The following CES3 variants were observed in gnomAD, a reference collection of about 807,000 sequenced individuals.
CES3 encodes the protein carboxylesterase 3, also known as carboxylesterase 3 (brain).
In CES3, 49 loss-of-function variants were observed where a neutral mutation model predicts 57.6. The ratio of observed to expected loss-of-function variants is 0.85; its 90% CI spans 0.68 to 1.08. The LOEUF is 1.08. CES3 is among the 50% of genes least tolerant of loss of function. CES3 has a pLI of 0.00. For synonymous variants in CES3, 266 were observed against 281.6 expected (o/e 0.94, Z 0.55); for missense variants, 645 against 742.0 (o/e 0.87, Z 1.52).
Position 66,969,735 on chromosome 16 carries a change from C to T in CES3, c.1119C>T (p.Ile373=), listed in dbSNP as rs1963798309. 4 of 1,613,234 alleles carry T rather than the reference C, an allele frequency of 2.5e-6. No homozygotes were observed. The highest frequency in any genetic ancestry group is 2.5e-6 in the Non-Finnish European group (3 of 1,179,658). Residue 373 remains isoleucine, a synonymous_variant, in exon 9 of 13, where the codon ATC becomes ATT. Coordinates refer to ENST00000303334, the MANE Select transcript of CES3 (RefSeq NM_024922.6). ...EQMSREDMLA[I]STPVLTSLDV... is the part of the protein sequence containing the mutation. Reference sequence around the variant, plus strand: ...TGAGCCGGGAGGACATGCTGGCCATCTCAACACCCGTCTTGACCAGTCTGG... The same window carrying T: ...TGAGCCGGGAGGACATGCTGGCCATTTCAACACCCGTCTTGACCAGTCTGG...
At position 66,973,251 on chromosome 16, in the gene CES3, C is replaced by G; in HGVS notation, c.*202C>G. Reference sequence around the variant, plus strand: ...CTCTGGGGCATTGTACAAGTTCTTCCCTCTCCCTGAAGTGCCTTTCCTGCT... The same window carrying G: ...CTCTGGGGCATTGTACAAGTTCTTCGCTCTCCCTGAAGTGCCTTTCCTGCT... On this transcript the variant is annotated 3_prime_UTR_variant, in exon 13 of 13. Transcript: ENST00000303334. 1.7e-6 allele frequency: 1 copy of G among 581,658 alleles called. No individual in the cohort carries two copies. Among genetic ancestry groups the G allele is most frequent in the South Asian group, 2.1e-5 (1 of 47,894 alleles). The allele number at this position is 581,658 out of a possible 1,614,324, so 36.0% of individuals were successfully genotyped here. A position where few individuals can be genotyped will look rare whatever the true frequency, so the allele number is the denominator to read the frequency against.
intron 9 of CES3, among the ~76,000 whole-genome samples, chr16:66,970,058 A>G (rs553047376): frequency 3.3e-5 from 5 of 151,130 alleles, no homozygotes; most frequent in Admixed American, 3.3e-4. Context: ...AGAGGGTTTC[A>G]TCTCCTTCAA....
intron 8 of CES3, among the ~76,000 whole-genome samples, chr16:66,968,199 G>A (rs1341659703): frequency 6.6e-6 from 1 of 152,054 alleles, no homozygotes; most frequent in Non-Finnish European, 1.5e-5. Flanking sequence ...TGCTCTTGTT[G>A]CCCAGGGTGG....
In CES3 at chr16:66,972,963, A is replaced by T. The variant is rs1297626416; in HGVS notation, c.1630A>T (p.Met544Leu). Reference protein sequence around the residue: ...RAGQKFREAWMQFWSETLPSK... With the variant: ...RAGQKFREAWLQFWSETLPSK... ...CGGACAGAAGTTCAGGGAGGCCTGGATGCAGTTCTGGTCAGAGACGCTCCC... is the reference window on the plus strand; with the variant it reads ...CGGACAGAAGTTCAGGGAGGCCTGGTTGCAGTTCTGGTCAGAGACGCTCCC... The change falls in exon 13 of 13, where the codon ATG (methionine) becomes TTG (leucine). Residue 544 changes from methionine (M) to leucine (L), a missense_variant. Coordinates refer to ENST00000303334, the MANE Select transcript of CES3 (RefSeq NM_024922.6). The T allele has an allele frequency of 1.2e-6, 2 of 1,614,118 alleles. No individual in the cohort carries two copies. Among genetic ancestry groups the T allele is most frequent in the African/African-American group, 1.3e-5 (1 of 75,054 alleles).
At position 66,963,907 on chromosome 16, in the gene CES3, T is replaced by G; in HGVS notation, c.532T>G (p.Tyr178Asp). The G allele has an allele frequency of 3.1e-6, 5 of 1,613,966 alleles. No homozygotes were observed. In the South Asian group the frequency reaches 4.4e-5, roughly 14 times the overall value. ...GGATGTGGTCGTGGTTACAGTCCAG[T>G]ACCGCCTTGGGGTCCTTGGCTTCTT... is the stretch of plus-strand genomic sequence containing the variant. ...YGDVVVVTVQ[Y>D]RLGVLGFFST... is the part of the protein sequence containing the mutation. Residue 178 changes from tyrosine to aspartate, a missense_variant, in exon 4 of 13, where the codon TAC becomes GAC. Tyr to Asp is a radical substitution (Grantham distance 160). Transcript: ENST00000303334. The surrounding 1 kb of genome is among the most constrained non-coding windows in gnomAD (Gnocchi z 4.9).
intron 8 of CES3, among the ~76,000 whole-genome samples, chr16:66,968,561 T>A (rs112186931): frequency 7.2e-5 from 11 of 152,290 alleles, no homozygotes; most frequent in African/African-American, 2.2e-4. Context: ...TTGGAATCAA[T>A]CCCCTCATAT....
In CES3 at chr16:66,963,646, G is replaced by A; in HGVS notation, c.426+17G>A. ...GGTAGGCCGGTAGGCACCCCAGAGGGCCCTGTCCACCTGATCCAGCTCCAC... is the reference window on the plus strand; with the variant it reads ...GGTAGGCCGGTAGGCACCCCAGAGGACCCTGTCCACCTGATCCAGCTCCAC... On this transcript the variant is annotated intron_variant, in intron 3 of 12. Transcript: ENST00000303334. This position sits in a 1 kb window ranked among gnomAD's most constrained non-coding sequence, Gnocchi z 4.9. 3 of 1,613,894 alleles carry A rather than the reference G, an allele frequency of 1.9e-6. No homozygotes were observed. The highest frequency in any genetic ancestry group is 2.5e-6 in the Non-Finnish European group (3 of 1,180,016).
chr16:66,964,813 T>G, intron 6 of CES3, 86 bp downstream of exon 6: 2 of 1,104,196 alleles, frequency 1.8e-6, no homozygotes, highest in Non-Finnish European at 2.6e-6. Context: ...GTAGCGGGGT[T>G]TGCTGGCAGG....
At chr16:66,964,006 T>G in intron 4 of CES3, 71 bp downstream of exon 4, 7 of 1,582,336 alleles carry the variant, frequency 4.4e-6, no homozygotes, top group Non-Finnish European at 5.2e-6. Flanking sequence ...CAACTGGGGA[T>G]CTAGGTTGGG....
At chr16:66,962,650 A>C (rs781001765) in intron 1 of CES3, among the ~76,000 whole-genome samples, 19 of 152,250 alleles carry the variant, frequency 1.2e-4, no homozygotes, top group Non-Finnish European at 2.1e-4. Context: ...TAATGCCAGC[A>C]CTTTGGGAGC....
At chr16:66,962,979 G>A in intron 1 of CES3, 200 bp from the exon 2 acceptor site, 1 of 707,166 alleles carries the variant, frequency 1.4e-6, no homozygotes, top group Non-Finnish European at 2.6e-6. Flanking sequence ...GGTCTGGCCT[G>A]GAGTGGAGTG....
rs1789109733 is a variant in CES3 at position 66,974,512 on chromosome 16, A to AC, written c.*1469dup. 1.1e-4 allele frequency: 8 copies of AC among 73,084 alleles called. No individual in the cohort carries two copies. In the South Asian group the frequency reaches 2.8e-3, roughly 26 times the overall value. The allele number at this position is 73,084 out of a possible 1,614,324, so 4.5% of individuals were successfully genotyped here. On this transcript the variant is annotated 3_prime_UTR_variant, in exon 13 of 13. Coordinates refer to ENST00000303334, the MANE Select transcript of CES3 (RefSeq NM_024922.6). ...GCCCTCCATGCCTGACCCTCCCCCCACCCCCCGTGGGCTCCTGTGCGGCCG... is the reference window on the plus strand; with the variant it reads ...GCCCTCCATGCCTGACCCTCCCCCCACCCCCCCGTGGGCTCCTGTGCGGCCG...
rs1567558155 is a variant in CES3, at chr16:66,971,222, C to T, written c.1194C>T (p.Ser398=). ...CCGTCATAGATGAATACCTAGGAAGCAACTCGGACGCACAAGCCAAATGCC... is the reference window on the plus strand; with the variant it reads ...CCGTCATAGATGAATACCTAGGAAGTAACTCGGACGCACAAGCCAAATGCC... The part of the protein sequence containing the change: ...MPTVIDEYLG[S]NSDAQAKCQA... Residue 398 remains serine (S), a synonymous_variant, in exon 10 of 13, where the codon AGC becomes AGT. Transcript: ENST00000303334. 2 of 1,614,130 alleles carry T rather than the reference C, an allele frequency of 1.2e-6. No individual in the cohort carries two copies. Among genetic ancestry groups the T allele is most frequent in the Non-Finnish European group, 8.5e-7 (1 of 1,179,998 alleles).
chr16:66,962,380 G>A (rs541366683), intron 1 of CES3, among the ~76,000 whole-genome samples: 1 of 152,364 alleles, frequency 6.6e-6, no homozygotes, highest in African/African-American at 2.4e-5. Flanking sequence ...TAGTCTGTTT[G>A]TGTTGTTGTA....
chr16:66,964,685 C>A lies in CES3; in HGVS notation c.777C>A (p.Thr259=), dbSNP rs969204239. ...HRAITQSGVI[T]TPGIIDSHPW... is the part of the protein sequence containing the mutation. ...CCATCACACAGAGTGGGGTCATCAC[C>A]ACCCCAGGGATCATCGACTCTCACC... Residue 259 remains threonine, a synonymous_variant, in exon 6 of 13, where the codon ACC becomes ACA. Transcript: ENST00000303334. 1 of 1,613,986 alleles carries A rather than the reference C, an allele frequency of 6.2e-7. No homozygotes were observed. The highest frequency in any genetic ancestry group is 1.3e-5 in the African/African-American group (1 of 74,910).
At position 66,963,354 on chromosome 16, in the gene CES3, T is replaced by C. The variant is rs746513975; in HGVS notation, c.258T>C (p.Gly86=). 9.3e-6 allele frequency: 15 copies of C among 1,612,892 alleles called. No individual in the cohort carries two copies. The highest frequency in any genetic ancestry group is 9.3e-6 in the Non-Finnish European group (11 of 1,179,948). Residue 86 remains glycine (G), a synonymous_variant, in exon 2 of 13, where the codon GGT becomes GGC. Coordinates refer to ENST00000303334, the MANE Select transcript of CES3 (RefSeq NM_024922.6). This position sits in a 1 kb window ranked among gnomAD's most constrained non-coding sequence, Gnocchi z 4.9. ...SAPHPAQPWE[G]VRDASTAPPM... ...CACACCCAGCACAGCCCTGGGAGGG[T>C]GTGCGGGATGCCAGCACTGCGCCCC... is the stretch of plus-strand genomic sequence containing the variant.
intron 1 of CES3, among the ~76,000 whole-genome samples, chr16:66,962,120 G>T (rs1963658840): frequency 6.6e-6 from 1 of 152,172 alleles, no homozygotes; most frequent in South Asian, 2.1e-4. Flanking sequence ...GGCTAAAGAG[G>T]TTTACGATTG....
chr16:66,967,618 C>T (rs1328230312), intron 8 of CES3: 9 of 985,216 alleles, frequency 9.1e-6, no homozygotes, highest in South Asian at 9.4e-5. Flanking sequence ...GCTTTCATCC[C>T]GAGCATCTTG....
In CES3 at chr16:66,969,761, T is replaced by G; in HGVS notation, c.1143+2T>G. On this transcript the variant is annotated splice_donor_variant, in intron 9 of 12. Transcript: ENST00000303334. LOFTEE classifies it high-confidence loss of function. ...TCAACACCCGTCTTGACCAGTCTGG[T>G]GAGACAAGAGGCAGGAGGGAGGAAG... 1 of 1,610,790 alleles carries G rather than the reference T, an allele frequency of 6.2e-7. No individual in the cohort carries two copies.
Sources: allele counts gnomAD v4.1 joint callset (sites outside exome capture counted in the v4.1 genomes callset), GRCh38; gene constraint gnomAD v4.1.1; non-coding constraint Gnocchi (gnomAD v3.1); transcripts MANE v1.5; gene names NCBI Gene and HGNC (gene_info 2026-07-23, HGNC 2026-07-21).